The following SYT1 variants were observed in gnomAD, a reference collection of about 807,000 sequenced individuals.
SYT1 encodes synaptotagmin 1.
Under a neutral mutation model 44.8 loss-of-function variants are expected in SYT1, and 8 were observed. The ratio of observed to expected loss-of-function variants is 0.18; its 90% CI spans 0.10 to 0.32. SYT1 has a LOEUF of 0.32. Ranked by LOEUF, SYT1 falls within the 10% of genes least tolerant of loss-of-function variation. SYT1 has a pLI of 1.00. For missense variants in SYT1, 286 were observed against 509.3 expected, an observed-to-expected ratio of 0.56 and a Z score of 4.22; for synonymous variants, 154 against 188.8, an observed-to-expected ratio of 0.82 and a Z score of 1.51.
chr12:79,233,055 C>T (rs1327393940), intron 4 of SYT1, among the ~76,000 whole-genome samples: 2 of 152,144 alleles, frequency 1.3e-5, no homozygotes, highest in Non-Finnish European at 2.9e-5. Context: ...TTTCTTTCCT[C>T]CTTGCCCCTG....
chr12:79,273,064 T>C (rs75078660), intron 4 of SYT1, among the ~76,000 whole-genome samples: 1,599 of 152,148 alleles, frequency 0.011, 25 homozygotes, highest in African/African-American at 0.037. Flanking sequence ...GGAGCCTTTG[T>C]TAGTGTGCCT....
chr12:79,233,882 CA>C (rs1362114835), intron 4 of SYT1, among the ~76,000 whole-genome samples: 1 of 152,188 alleles, frequency 6.6e-6, no homozygotes, highest in East Asian at 1.9e-4. Context: ...GGCAGTTTCC[CA>C]AAGTCAGTTG....
intron 4 of SYT1, among the ~76,000 whole-genome samples, chr12:79,243,267 T>A (rs1274843996): frequency 6.6e-6 from 1 of 152,208 alleles, no homozygotes; most frequent in Non-Finnish European, 1.5e-5. Flanking sequence ...ATTTTATCGT[T>A]TTTTCATGTT....
At chr12:79,405,750 C>T (rs904171062) in intron 9 of SYT1, among the ~76,000 whole-genome samples, 1 of 152,134 alleles carries the variant, frequency 6.6e-6, no homozygotes, top group Non-Finnish European at 1.5e-5. Flanking sequence ...ATGATGCCAT[C>T]AGGGACCTGT....
intron 4 of SYT1, among the ~76,000 whole-genome samples, chr12:79,250,210 T>C (rs1877114852): frequency 6.6e-6 from 1 of 151,920 alleles, no homozygotes; most frequent in Non-Finnish European, 1.5e-5. Flanking sequence ...AGGACAAGAG[T>C]TGAACATCCC....
chr12:79,145,758 T>G (rs1378292722), intron 3 of SYT1, among the ~76,000 whole-genome samples: 1 of 126,438 alleles, frequency 7.9e-6, no homozygotes, highest in Non-Finnish European at 1.7e-5. Flanking sequence ...TTTTTGTTTG[T>G]TTGTTTGTTT....
intron 2 of SYT1, among the ~76,000 whole-genome samples, chr12:79,024,817 C>T (rs75538018): frequency 4.0e-5 from 6 of 151,758 alleles, no homozygotes; most frequent in South Asian, 4.2e-4. Context: ...TGGAGAATAA[C>T]GCTAAATAAA....
chr12:79,161,073 T>A (rs1241300688), intron 3 of SYT1, among the ~76,000 whole-genome samples: 3 of 151,952 alleles, frequency 2.0e-5, no homozygotes, highest in African/African-American at 7.2e-5. Flanking sequence ...TATCTATTTT[T>A]TAAAAAACAC....
chr12:79,381,597 G>C (rs1254647241), intron 9 of SYT1, among the ~76,000 whole-genome samples: 1 of 152,200 alleles, frequency 6.6e-6, no homozygotes, highest in African/African-American at 2.4e-5. Flanking sequence ...AGAAAAATGA[G>C]CTTATCACTC....
intron 3 of SYT1, among the ~76,000 whole-genome samples, chr12:79,062,402 GCCTA>G (rs1232208757): frequency 1.3e-5 from 2 of 152,146 alleles, no homozygotes; most frequent in Non-Finnish European, 2.9e-5. Flanking sequence ...ATATTGAAAA[GCCTA>G]GAAGGTTCCC....
intron 3 of SYT1, among the ~76,000 whole-genome samples, chr12:79,202,966 A>C (rs1398148171): frequency 9.9e-5 from 15 of 152,184 alleles, no homozygotes; most frequent in African/African-American, 3.6e-4. Flanking sequence ...ATAGGAAAAA[A>C]ATGTAATGAA....
At chr12:79,350,243 A>ATTCTT (rs1882829805) in intron 8 of SYT1, among the ~76,000 whole-genome samples, 1 of 129,438 alleles carries the variant, frequency 7.7e-6, no homozygotes, top group African/African-American at 3.1e-5. Context: ...CAGGATGCAT[A>ATTCTT]TTCTTTTTTT....
intron 2 of SYT1, among the ~76,000 whole-genome samples, chr12:79,028,045 A>C (rs1251383582): frequency 6.6e-6 from 1 of 151,546 alleles, no homozygotes; most frequent in Admixed American, 6.6e-5. Flanking sequence ...GAGGATATTG[A>C]ATATGACCAA....
At chr12:79,253,205 A>AT (rs1164925078) in intron 4 of SYT1, among the ~76,000 whole-genome samples, 1 of 152,132 alleles carries the variant, frequency 6.6e-6, no homozygotes, top group African/African-American at 2.4e-5. Flanking sequence ...GATACCGCAG[A>AT]TTTTTTTACA....
At chr12:79,233,348 A>G (rs2138624807) in intron 4 of SYT1, among the ~76,000 whole-genome samples, 1 of 152,338 alleles carries the variant, frequency 6.6e-6, no homozygotes, top group Admixed American at 6.5e-5. Context: ...GTTTTCACTG[A>G]GACAGTTCAA....
rs916562526 is a variant in SYT1 at position 79,450,136 on chromosome 12, A to G, written c.*1012A>G. The stretch of plus-strand genomic sequence containing the variant: ...TACAATAATTCCAAAAGGTTTGCAC[A>G]TTAGAGTTTGTAACAAAATATTTTA... On this transcript the variant is annotated 3_prime_UTR_variant, in exon 11 of 11. Transcript: ENST00000261205. The G allele has an allele frequency of 1.3e-5, 2 of 152,574 alleles. No individual in the cohort carries two copies. The highest frequency in any genetic ancestry group is 4.8e-5 in the African/African-American group (2 of 41,442). The allele number at this position is 152,574 out of a possible 1,614,324, so 9.5% of individuals were successfully genotyped here.
chr12:78,995,811 T>C (rs1370708923), intron 2 of SYT1: 1 of 152,158 alleles, frequency 6.6e-6, no homozygotes, highest in Admixed American at 6.6e-5. Flanking sequence ...GTTTACCAGA[T>C]GGATTAAAAG....
intron 1 of SYT1, among the ~76,000 whole-genome samples, chr12:78,972,516 C>A (rs1868448867): frequency 1.4e-5 from 2 of 138,464 alleles, no homozygotes; most frequent in Admixed American, 7.2e-5. Flanking sequence ...AATAACTTGG[C>A]AGCTTTTCTC....
Position 79,179,235 on chromosome 12 carries a change from GATAT to G in SYT1, c.-17-38264_-17-38261del, listed in dbSNP as rs1222958140. ...ATATAGATATATAGATATAGATATA[GATAT>G]ATAGATATAGATATAGATATAGATA... On this transcript the variant is annotated intron_variant, in intron 3 of 10. Coordinates refer to ENST00000261205, the MANE Select transcript of SYT1 (RefSeq NM_005639.3). Among the ~76,000 whole-genome samples, 8 of 61,458 alleles carry G rather than the reference GATAT, an allele frequency of 1.3e-4. No individual in the cohort carries two copies. The African/African-American group carries it at 1.4e-3, about 11-fold the overall frequency. The allele number at this position is 61,458 out of a possible 152,430, so 40.3% of individuals were successfully genotyped here.
Sources: gnomAD v4.1 joint callset for allele counts (sites outside exome capture counted in the v4.1 genomes callset) on GRCh38, gnomAD v4.1.1 for gene constraint, MANE v1.5 for transcripts, NCBI Gene and HGNC (gene_info 2026-07-23, HGNC 2026-07-21) for gene names.